The following DAB1 variants were observed in gnomAD, a reference collection of about 807,000 sequenced individuals.
DAB1 encodes DAB adaptor protein 1, also known as disabled homolog 1.
DAB1 carries 15 observed loss-of-function variants against 64.6 expected under a neutral mutation model. The ratio of observed to expected loss-of-function variants is 0.23; its 90% CI spans 0.16 to 0.36. The LOEUF (loss-of-function observed/expected upper bound fraction) is 0.36, where lower values mean the gene tolerates loss of function less well. DAB1 is among the 10% of genes least tolerant of loss of function. The pLI is 1.00. For synonymous variants in DAB1, 235 were observed against 251.9 expected (o/e 0.93, Z 0.64); for missense variants, 596 against 706.7 (o/e 0.84, Z 1.78).
intron 7 of DAB1, among the ~76,000 whole-genome samples, chr1:57,631,729 T>C (rs1275348596): frequency 1.3e-5 from 2 of 152,218 alleles, no homozygotes; most frequent in African/African-American, 4.8e-5. Flanking sequence ...AACAGAATTG[T>C]TACCTTGCCG....
At chr1:57,515,496 T>G (rs1041334486) in intron 7 of DAB1, among the ~76,000 whole-genome samples, 1 of 152,214 alleles carries the variant, frequency 6.6e-6, no homozygotes, top group African/African-American at 2.4e-5. Flanking sequence ...AAGAATATGG[T>G]CGCTGTTCAA....
intron 4 of DAB1, among the ~76,000 whole-genome samples, chr1:58,300,638 GA>G (rs879408770): frequency 0.062 from 3,762 of 60,886 alleles, 299 homozygotes; most frequent in Non-Finnish European, 0.083. Context: ...GAGAGAGAGA[GA>G]GAGAGAGAGG....
intron 7 of DAB1, among the ~76,000 whole-genome samples, chr1:57,541,419 G>T (rs1241850429): frequency 2.0e-5 from 3 of 152,084 alleles, no homozygotes; most frequent in Non-Finnish European, 4.4e-5. Flanking sequence ...GTGAGCCACC[G>T]CACCCAGCCA....
intron 3 of DAB1, among the ~76,000 whole-genome samples, chr1:58,418,593 T>G (rs116601669): frequency 0.027 from 4,098 of 152,162 alleles, 205 homozygotes; most frequent in African/African-American, 0.094. Flanking sequence ...AGGAGATTGA[T>G]AAGTGAGCAA....
At chr1:58,429,818 A>C (rs1270372835) in intron 3 of DAB1, among the ~76,000 whole-genome samples, 5 of 152,234 alleles carry the variant, frequency 3.3e-5, no homozygotes, top group South Asian at 4.1e-4. Flanking sequence ...TGGTCTATTC[A>C]TGCTGCTATA....
At chr1:57,773,581 C>T (rs1171157388) in intron 6 of DAB1, among the ~76,000 whole-genome samples, 5 of 151,918 alleles carry the variant, frequency 3.3e-5, no homozygotes, top group Non-Finnish European at 5.9e-5. Flanking sequence ...TACGTATCTA[C>T]CCCAAGGTTA....
chr1:57,927,901 T>C (rs1644902226), intron 5 of DAB1, among the ~76,000 whole-genome samples: 1 of 152,224 alleles, frequency 6.6e-6, no homozygotes, highest in Non-Finnish European at 1.5e-5. Flanking sequence ...TTTTACAATT[T>C]GTATTTTATC....
At chr1:57,618,042 ATCT>A (rs1025032613) in intron 7 of DAB1, among the ~76,000 whole-genome samples, 2 of 152,204 alleles carry the variant, frequency 1.3e-5, no homozygotes, top group African/African-American at 4.8e-5. Context: ...CAGGGAAGAG[ATCT>A]TCTTCCTCAG....
chr1:57,032,266 G>A (rs1293520512), intron 9 of DAB1, among the ~76,000 whole-genome samples: 1 of 152,140 alleles, frequency 6.6e-6, no homozygotes, highest in Non-Finnish European at 1.5e-5. Flanking sequence ...AGACATGGGA[G>A]TTCCTACCTT....
intron 5 of DAB1, among the ~76,000 whole-genome samples, chr1:58,006,352 T>A (rs1243807291): frequency 6.6e-6 from 1 of 152,120 alleles, no homozygotes; most frequent in Non-Finnish European, 1.5e-5. Context: ...TCTTAGAGAA[T>A]TGTTGAGAGG....
chr1:58,048,578 C>T (rs1647402914), intron 5 of DAB1: 2 of 996,774 alleles, frequency 2.0e-6, no homozygotes, highest in South Asian at 2.6e-5. Flanking sequence ...ATCCCCACTG[C>T]CACCATATCC....
chr1:58,398,140 C>T (rs1385332477), intron 3 of DAB1, among the ~76,000 whole-genome samples: 1 of 152,202 alleles, frequency 6.6e-6, no homozygotes, highest in African/African-American at 2.4e-5. Context: ...TGCTTCCCCA[C>T]ATAAAAGCAT....
At chr1:58,219,960 G>C (rs17117133) in intron 4 of DAB1, among the ~76,000 whole-genome samples, 3 of 152,162 alleles carry the variant, frequency 2.0e-5, no homozygotes, top group African/African-American at 7.2e-5. Context: ...TTGAATGAAG[G>C]CATAAATGAT....
At chr1:58,490,180 G>C (rs1258558895) in intron 3 of DAB1, among the ~76,000 whole-genome samples, 3 of 152,162 alleles carry the variant, frequency 2.0e-5, no homozygotes, top group Non-Finnish European at 4.4e-5. Context: ...TGGCAAAGAA[G>C]TTAAAAATCT....
intron 6 of DAB1, among the ~76,000 whole-genome samples, chr1:57,702,224 T>C (rs929503903): frequency 5.3e-5 from 8 of 152,114 alleles, no homozygotes; most frequent in Admixed American, 6.6e-5. Flanking sequence ...CAGGGGAGTG[T>C]TTCAGTCTCA....
chr1:57,424,573 C>G (rs1685191568), upstream of DAB1, among the ~76,000 whole-genome samples: 1 of 152,192 alleles, frequency 6.6e-6, no homozygotes. Context: ...TCTCATTTTT[C>G]TCTAAGATCT....
intron 1 of DAB1, chr1:58,541,629 A>AC (rs1557461108): frequency 1.4e-5 from 2 of 146,508 alleles, no homozygotes; most frequent in Non-Finnish European, 3.0e-5. Context: ...AAAAAAAAAA[A>AC]AAAAAAAAAA....
chr1:57,613,504 G>T (rs992971849), intron 7 of DAB1, among the ~76,000 whole-genome samples: 1 of 152,174 alleles, frequency 6.6e-6, no homozygotes, highest in African/African-American at 2.4e-5. Context: ...GGATTAGCTA[G>T]GGCCGATTAA....
chr1:57,218,999 T>A (rs1666655279), intron 2 of DAB1, among the ~76,000 whole-genome samples: 2 of 152,116 alleles, frequency 1.3e-5, no homozygotes, highest in African/African-American at 2.4e-5. Flanking sequence ...ACAAAAACAT[T>A]CTTGATCTGT....
Sources: allele counts gnomAD v4.1 joint callset (sites outside exome capture counted in the v4.1 genomes callset), GRCh38; gene constraint gnomAD v4.1.1; transcripts MANE v1.5; gene names NCBI Gene and HGNC (gene_info 2026-07-23, HGNC 2026-07-21).